Variants in EHF observed in about 807,000 individuals in gnomAD.
EHF encodes the protein ETS homologous factor, also known as ESE3 transcription factor.
A neutral mutation model predicts 45.1 loss-of-function variants in EHF; 14 were observed. The observed-to-expected ratio is 0.31, with a 90% CI of 0.21 to 0.49. The LOEUF is 0.49. Among genes scored for constraint, EHF ranks in the 20% least tolerant of loss-of-function variants. The pLI is 0.99. For synonymous variants in EHF, 136 were observed against 131.8 expected (o/e 1.03, Z -0.22); for missense variants, 282 against 371.4 (o/e 0.76, Z 1.98).
At chr11:34,658,290 A>G (rs559785090) in intron 7 of EHF, among the ~76,000 whole-genome samples, 6 of 152,278 alleles carry the variant, frequency 3.9e-5, no homozygotes, top group South Asian at 2.1e-4. Flanking sequence ...TGTGATCCTG[A>G]TCAAGTCACT....
At position 34,646,490 on chromosome 11, in the gene EHF, G is replaced by A; in HGVS notation, c.149G>A (p.Trp50Ter). ...TGGCATGAAATTCATCCTCAGTACT[G>A]GACCAAGTACCAGGTGTGGGAGTGG... ...GQWHEIHPQY[W>*]TKYQVWEWLQ... is the part of the protein sequence containing the mutation. Residue 50 changes from tryptophan (W) to a stop codon, truncating the protein, a stop_gained, in exon 3 of 9, where the codon TGG (tryptophan) becomes TAG (stop). Transcript: ENST00000257831. LOFTEE classifies it high-confidence loss of function. 1.2e-6 allele frequency: 2 copies of A among 1,614,040 alleles called. No individual in the cohort carries two copies. The highest frequency in any genetic ancestry group is 1.7e-6 in the Non-Finnish European group (2 of 1,179,992).
chr11:34,656,576 A>G (rs892100775), intron 6 of EHF, among the ~76,000 whole-genome samples: 4 of 152,028 alleles, frequency 2.6e-5, no homozygotes, highest in African/African-American at 4.8e-5. Flanking sequence ...TTGCACTTCT[A>G]TGTTACACAT....
rs925377096 is a variant in EHF at position 34,661,970 on chromosome 11, G to A, written c.*3039G>A. 6.6e-6 allele frequency among the ~76,000 whole-genome samples: 1 copy of A among 152,090 alleles called. No homozygotes were observed. Among genetic ancestry groups the A allele is most frequent in the African/African-American group, 2.4e-5 (1 of 41,424 alleles). On this transcript the variant is annotated 3_prime_UTR_variant, in exon 9 of 9. Transcript: ENST00000257831. ...TTGGTAAGACTTAAGTAAGGCTCTG[G>A]CTCCCAGGGGCATAAGCAACAGTTT...
intron 1 of EHF, chr11:34,631,549 CTCAGGCCCTT>C: frequency 1.0e-6 from 1 of 983,924 alleles, no homozygotes; most frequent in Non-Finnish European, 1.2e-6. Flanking sequence ...TCTAGGACAT[CTCAGGCCCTT>C]TCCACCTGGG....
intron 3 of EHF, 84 bp downstream of exon 3, chr11:34,646,768 G>A: frequency 6.4e-7 from 1 of 1,550,818 alleles, no homozygotes; most frequent in South Asian, 1.1e-5. Flanking sequence ...AGGATTCTTT[G>A]TCAGGGACAA....
At chr11:34,651,646 T>C (rs1855181555) in intron 5 of EHF, 36 bp downstream of exon 5, 1 of 1,609,088 alleles carries the variant, frequency 6.2e-7, no homozygotes, top group Non-Finnish European at 8.5e-7. Flanking sequence ...CCCTTTACAT[T>C]CTTATTCAGT....
intron 1 of EHF, among the ~76,000 whole-genome samples, chr11:34,629,514 T>C (rs1212100468): frequency 6.6e-6 from 1 of 152,226 alleles, no homozygotes; most frequent in Admixed American, 6.5e-5. Context: ...GGTCGTCTAA[T>C]TTGTGAGAAA....
At chr11:34,635,268 G>T (rs2134038092) in intron 1 of EHF, among the ~76,000 whole-genome samples, 1 of 152,138 alleles carries the variant, frequency 6.6e-6, no homozygotes, top group East Asian at 1.9e-4. Flanking sequence ...CTTCTGGAAG[G>T]TTCGCTCTGT....
chr11:34,630,969 T>C (rs912896892), intron 1 of EHF, among the ~76,000 whole-genome samples: 9 of 152,222 alleles, frequency 5.9e-5, no homozygotes, highest in Admixed American at 1.3e-4. Flanking sequence ...TGGGGAAATG[T>C]TGCATGTTGC....
At chr11:34,642,531 T>C in intron 1 of EHF, 97 bp from the exon 2 acceptor site, 5 of 781,662 alleles carry the variant, frequency 6.4e-6, no homozygotes, top group Non-Finnish European at 1.1e-5. Context: ...GGACAAATTC[T>C]CTTTATTTTC....
rs1363404657 is a variant in EHF at position 34,621,122 on chromosome 11, C to T, written c.-110C>T. ...TGATGAGGGCTCAGACTTGATAACACCCGTGGTGCCCCATCCCTATAGGAG... is the reference window on the plus strand; with the variant it reads ...TGATGAGGGCTCAGACTTGATAACATCCGTGGTGCCCCATCCCTATAGGAG... On this transcript the variant is annotated 5_prime_UTR_variant, in exon 1 of 9. Coordinates refer to ENST00000257831, the MANE Select transcript of EHF (RefSeq NM_012153.6). 6.6e-6 allele frequency: 1 copy of T among 152,178 alleles called. No homozygotes were observed. The highest frequency in any genetic ancestry group is 1.5e-5 in the Non-Finnish European group (1 of 68,044). The allele number at this position is 152,178 out of a possible 1,614,324, so 9.4% of individuals were successfully genotyped here.
At chr11:34,626,857 G>C (rs977015391) in intron 1 of EHF, among the ~76,000 whole-genome samples, 2 of 152,160 alleles carry the variant, frequency 1.3e-5, no homozygotes, top group Non-Finnish European at 2.9e-5. Flanking sequence ...CTGGGTAGTT[G>C]AATGACTTTG....
chr11:34,647,576 A>C (rs952363956), intron 3 of EHF, among the ~76,000 whole-genome samples: 3 of 152,204 alleles, frequency 2.0e-5, no homozygotes, highest in Non-Finnish European at 2.9e-5. Flanking sequence ...AAGAACAGGG[A>C]GTTGGCCTGT....
intron 6 of EHF, among the ~76,000 whole-genome samples, chr11:34,656,696 C>G (rs1855705932): frequency 6.6e-6 from 1 of 152,140 alleles, no homozygotes; most frequent in South Asian, 2.1e-4. Context: ...AAATTATTCC[C>G]AAGTCCATAC....
At position 34,645,895 on chromosome 11, in the gene EHF, C is replaced by A. The variant is rs1046600723; in HGVS notation, c.98-544C>A. Reference sequence around the variant, plus strand: ...CATCATGATAGCTATAATGACTAGGCTGGGGCAGTGGGATATCAGTCCAGT... The same window carrying A: ...CATCATGATAGCTATAATGACTAGGATGGGGCAGTGGGATATCAGTCCAGT... On this transcript the variant is annotated intron_variant, in intron 2 of 8. Transcript: ENST00000257831. 2.0e-5 allele frequency among the ~76,000 whole-genome samples: 3 copies of A among 152,016 alleles called. No individual in the cohort carries two copies. The South Asian group carries it at 6.2e-4, about 32-fold the overall frequency.
intron 7 of EHF, among the ~76,000 whole-genome samples, 189 bp from the exon 8 acceptor site, chr11:34,658,344 T>C (rs1855850048): frequency 6.6e-6 from 1 of 152,108 alleles, no homozygotes; most frequent in East Asian, 1.9e-4. Context: ...AAATAAAATA[T>C]TGTGCTAGTT....
At chr11:34,658,272 G>A (rs1401453930) in intron 7 of EHF, among the ~76,000 whole-genome samples, 1 of 152,172 alleles carries the variant, frequency 6.6e-6, no homozygotes, top group East Asian at 1.9e-4. Flanking sequence ...TATGTCACTA[G>A]TTAGCTGTGT....
chr11:34,653,270 G>A (rs1302531856), intron 6 of EHF, among the ~76,000 whole-genome samples: 1 of 152,114 alleles, frequency 6.6e-6, no homozygotes, highest in Non-Finnish European at 1.5e-5. Context: ...CTGAGCCTCA[G>A]GGGCTAGTAG....
intron 1 of EHF, among the ~76,000 whole-genome samples, chr11:34,624,039 A>G (rs1374817048): frequency 1.3e-5 from 2 of 152,234 alleles, no homozygotes; most frequent in Non-Finnish European, 1.5e-5. Flanking sequence ...ATCCCGTGGC[A>G]GAATCTGCTA....
Sources: gnomAD v4.1 joint callset for allele counts (sites outside exome capture counted in the v4.1 genomes callset) on GRCh38, gnomAD v4.1.1 for gene constraint, MANE v1.5 for transcripts, NCBI Gene and HGNC (gene_info 2026-07-23, HGNC 2026-07-21) for gene names.